Variants in IFT172 observed in about 807,000 individuals in gnomAD.
IFT172 encodes the protein intraflagellar transport protein 172 homolog.
IFT172 carries 164 observed loss-of-function variants against 248.9 expected under a neutral mutation model. The ratio of observed to expected loss-of-function variants is 0.66; its 90% CI spans 0.58 to 0.75. The LOEUF (loss-of-function observed/expected upper bound fraction) is 0.75, where lower values mean the gene tolerates loss of function less well. Ranked by LOEUF, IFT172 falls within the 30% of genes least tolerant of loss-of-function variation. The probability of loss-of-function intolerance (pLI) is 0.00; values close to 1 mark genes in which losing one functional copy is unlikely to be tolerated. For missense variants in IFT172, 1,950 were observed against 2,192.4 expected (o/e 0.89, Z 2.21); for synonymous variants, 729 against 791.6 (o/e 0.92, Z 1.33).
intron 25 of IFT172, 112 bp from the exon 26 acceptor site, chr2:27,458,980 T>G (rs1666415029): frequency 1.9e-6 from 2 of 1,049,060 alleles, no homozygotes; most frequent in African/African-American, 3.2e-5. Context: ...GATACAACCT[T>G]GTAATAATAG....
chr2:27,479,965 C>A, intron 9 of IFT172, 61 bp downstream of exon 9: 1 of 1,576,460 alleles, frequency 6.3e-7, no homozygotes, highest in Non-Finnish European at 8.6e-7. Flanking sequence ...TAGGATAAGG[C>A]AGGATTTTTT....
chr2:27,447,400 G>A lies in IFT172; in HGVS notation c.4659+115C>T, dbSNP rs910118281. The A allele has an allele frequency of 2.8e-6, 4 of 1,418,782 alleles. No individual in the cohort carries two copies. The South Asian group carries it at 4.0e-5, about 14-fold the overall frequency. 87.9% of individuals were successfully genotyped at this position (1,418,782 alleles called of 1,614,324 possible). A position where few individuals can be genotyped will look rare whatever the true frequency, so the allele number is the denominator to read the frequency against. The stretch of plus-strand genomic sequence containing the variant: ...TAGACAGAAGAGAAGCTGAAAGACA[G>A]GTGGGGAGATTCAAGAGCCCAAGCT... On this transcript the variant is annotated intron_variant, in intron 42 of 47. Transcript: ENST00000260570.
intron 25 of IFT172, 30 bp from the exon 26 acceptor site, chr2:27,458,898 G>T (rs201039784): frequency 2.7e-5 from 44 of 1,611,978 alleles, no homozygotes; most frequent in Non-Finnish European, 3.5e-5. Context: ...GATACAAAAG[G>T]TCAGAGCAAC....
intron 8 of IFT172, among the ~76,000 whole-genome samples, chr2:27,480,662 T>C (rs915810382): frequency 6.6e-6 from 1 of 152,140 alleles, no homozygotes; most frequent in African/African-American, 2.4e-5. Context: ...ATCTAGGCAC[T>C]GAAAAGATGA....
Position 27,457,628 on chromosome 2 carries a change from G to A in IFT172, c.3228+11C>T, listed in dbSNP as rs1027512967. 3.1e-6 allele frequency: 5 copies of A among 1,607,626 alleles called. No individual in the cohort carries two copies. Among genetic ancestry groups the A allele is most frequent in the Non-Finnish European group, 3.4e-6 (4 of 1,174,342 alleles). On this transcript the variant is annotated intron_variant, in intron 29 of 47. Coordinates refer to ENST00000260570, the MANE Select transcript of IFT172 (RefSeq NM_015662.3). ...ATGGATGTATCCCTCAGTGTGGCCT[G>A]AACTCCTTACCCTGTAGGCCTCTTC...
At chr2:27,468,343 A>C (rs56766098) in intron 16 of IFT172, among the ~76,000 whole-genome samples, 1 of 150,924 alleles carries the variant, frequency 6.6e-6, no homozygotes. Flanking sequence ...AGCAATTCTC[A>C]TGCCTCAGCC....
chr2:27,482,596 T>A lies in IFT172; in HGVS notation c.570+693A>T, dbSNP rs1191406139. 3.9e-5 allele frequency among the ~76,000 whole-genome samples: 6 copies of A among 152,244 alleles called. No individual in the cohort carries two copies. In the East Asian group the frequency reaches 9.6e-4, roughly 24 times the overall value. ...CACAAGTAATTCTTAATGTAAATGA[T>A]TCAAACAACACACAATTATATAGAG... On this transcript the variant is annotated intron_variant, in intron 7 of 47. Coordinates refer to ENST00000260570, the MANE Select transcript of IFT172 (RefSeq NM_015662.3).
intron 14 of IFT172, 140 bp downstream of exon 14, chr2:27,476,501 A>C: frequency 1.7e-6 from 1 of 582,374 alleles, no homozygotes; most frequent in Non-Finnish European, 3.1e-6. Context: ...CATTTCATAT[A>C]TATCCACTGT....
chr2:27,448,037 G>A (rs1478228309), intron 40 of IFT172, 115 bp from the exon 41 acceptor site: 4 of 655,302 alleles, frequency 6.1e-6, no homozygotes, highest in African/African-American at 1.8e-5. Context: ...GGGTATGTGT[G>A]TGTGTGCAAG....
At chr2:27,480,455 A>G (rs1321850380) in intron 8 of IFT172, among the ~76,000 whole-genome samples, 2 of 152,190 alleles carry the variant, frequency 1.3e-5, no homozygotes, top group Non-Finnish European at 2.9e-5. Context: ...GGTAGGAGTC[A>G]GTGAAGAAAG....
At position 27,482,566 on chromosome 2, in the gene IFT172, C is replaced by T. The variant is rs1269257465; in HGVS notation, c.570+723G>A. ...TCCCAAAGTGCTGGGATTACAGGCA[C>T]GGCTCACAAGTAATTCTTAATGTAA... On this transcript the variant is annotated intron_variant, in intron 7 of 47. Transcript: ENST00000260570. 3.3e-5 allele frequency among the ~76,000 whole-genome samples: 5 copies of T among 152,132 alleles called. No individual in the cohort carries two copies. The East Asian group carries it at 7.7e-4, about 23-fold the overall frequency.
intron 30 of IFT172, 70 bp downstream of exon 30, chr2:27,456,441 T>C (rs992671542): frequency 7.8e-6 from 12 of 1,538,352 alleles, no homozygotes; most frequent in Non-Finnish European, 9.6e-6. Context: ...CAGTTATACA[T>C]CAATTTTCTT....
chr2:27,466,301 A>C (rs1453332544), intron 16 of IFT172, among the ~76,000 whole-genome samples: 2 of 152,242 alleles, frequency 1.3e-5, no homozygotes, highest in Non-Finnish European at 2.9e-5. Flanking sequence ...AGACTGAAAG[A>C]AAAAGGTCAA....
chr2:27,459,791 C>T lies in IFT172; in HGVS notation c.2560G>A (p.Val854Met), dbSNP rs1666497987. 6.2e-7 allele frequency: 1 copy of T among 1,612,728 alleles called. No homozygotes were observed. Among genetic ancestry groups the T allele is most frequent in the African/African-American group, 1.3e-5 (1 of 74,910 alleles). ...TCCCCCCATGCCTCCTCTAGTTTCA[C>T]CACCTCCACTGGGAAGGCCAATCGA... is the stretch of plus-strand genomic sequence containing the variant. ...LARLAFPVEV[V>M]KLEEAWGDHL... The change falls in exon 24 of 48, where the codon GTG becomes ATG. Residue 854 changes from valine to methionine, a missense_variant. Val to Met is a conservative substitution (Grantham distance 21). Coordinates refer to ENST00000260570, the MANE Select transcript of IFT172 (RefSeq NM_015662.3).
chr2:27,461,201 G>C, intron 22 of IFT172, 68 bp downstream of exon 22: 1 of 1,612,464 alleles, frequency 6.2e-7, no homozygotes, highest in South Asian at 1.1e-5. Context: ...TGCACCCCAA[G>C]ACTCCTCTGG....
At chr2:27,459,236 T>C (rs1666431201) in intron 25 of IFT172, 142 bp downstream of exon 25, 1 of 1,045,902 alleles carries the variant, frequency 9.6e-7, no homozygotes, top group South Asian at 1.6e-5. Context: ...AGTAAACTGT[T>C]CTCTTCCCCT....
chr2:27,465,645 G>A lies in IFT172; in HGVS notation c.1829+101C>T. The A allele has an allele frequency of 2.6e-6, 4 of 1,558,558 alleles. No individual in the cohort carries two copies. The Admixed American group carries it at 6.7e-5, about 26-fold the overall frequency. ...GTCTCATCTCCTCCCAGGATCACTG[G>A]ATCCTTATTAGTGCTGGCCAGTTTT... On this transcript the variant is annotated intron_variant, in intron 17 of 47. Coordinates refer to ENST00000260570, the MANE Select transcript of IFT172 (RefSeq NM_015662.3).
In IFT172 at chr2:27,450,110, C is replaced by T. The variant is rs763108930; in HGVS notation, c.3952-14G>A. ...GAGTTCAGCTGCCTGAGTGGTTGAA[C>T]AGAAGATGGAAATGGGTAGGAGAGA... On this transcript the variant is annotated splice_polypyrimidine_tract_variant and intron_variant, in intron 35 of 47. Coordinates refer to ENST00000260570, the MANE Select transcript of IFT172 (RefSeq NM_015662.3). 2.2e-5 allele frequency: 35 copies of T among 1,593,854 alleles called. No individual in the cohort carries two copies. The highest frequency in any genetic ancestry group is 3.0e-5 in the Non-Finnish European group (35 of 1,161,726).
intron 7 of IFT172, among the ~76,000 whole-genome samples, chr2:27,482,899 C>T (rs1241475751): frequency 6.6e-6 from 1 of 151,948 alleles, no homozygotes. Context: ...TCCCTGAGTT[C>T]TCCTCTAGCT....
Sources: gnomAD v4.1 joint callset for allele counts (sites outside exome capture counted in the v4.1 genomes callset) on GRCh38, gnomAD v4.1.1 for gene constraint, MANE v1.5 for transcripts, NCBI Gene and HGNC (gene_info 2026-07-23, HGNC 2026-07-21) for gene names.